The following FSTL4 variants were observed in gnomAD, a reference collection of about 807,000 sequenced individuals.
The protein encoded by FSTL4 is follistatin like 4.
In FSTL4, 28 loss-of-function variants were observed where a neutral mutation model predicts 78.2. The ratio of observed to expected loss-of-function variants is 0.36; its 90% CI spans 0.27 to 0.49. The LOEUF (loss-of-function observed/expected upper bound fraction) is 0.49. FSTL4 is among the 20% of genes least tolerant of loss of function. FSTL4 has a pLI of 0.98. For synonymous variants in FSTL4, 422 were observed against 440.5 expected, an observed-to-expected ratio of 0.96 and a Z score of 0.53; for missense variants, 922 against 1,084.9, an observed-to-expected ratio of 0.85 and a Z score of 2.11.
intron 3 of FSTL4, among the ~76,000 whole-genome samples, chr5:133,557,732 G>A (rs1005114641): frequency 2.0e-5 from 3 of 152,122 alleles, no homozygotes; most frequent in African/African-American, 7.2e-5. Context: ...GAGAAGCCAG[G>A]TCCTTACACT....
At chr5:133,423,047 C>T (rs1252541037) in intron 3 of FSTL4, among the ~76,000 whole-genome samples, 1 of 152,194 alleles carries the variant, frequency 6.6e-6, no homozygotes, top group Non-Finnish European at 1.5e-5. Context: ...CTCTGAACGG[C>T]CGAGCTCTAG....
the FSTL4 span, among the ~76,000 whole-genome samples, chr5:133,841,300 G>A: frequency 3.9e-5 from 6 of 152,178 alleles, no homozygotes; most frequent in African/African-American, 1.4e-4. Flanking sequence ...TCCCAAAGGG[G>A]AAGAACTTGT....
At chr5:133,623,473 C>T in the FSTL4 span, among the ~76,000 whole-genome samples, 1 of 151,902 alleles carries the variant, frequency 6.6e-6, no homozygotes, top group South Asian at 2.1e-4. Flanking sequence ...TAGACCCCTA[C>T]CTCACACCAA....
intron 3 of FSTL4, among the ~76,000 whole-genome samples, chr5:133,481,167 C>G (rs2112858252): frequency 6.6e-6 from 1 of 152,312 alleles, no homozygotes; most frequent in Middle Eastern, 3.4e-3. Flanking sequence ...GCATGTTGCT[C>G]TCTGGCCTTG....
At chr5:133,229,883 G>A (rs1445045691) in intron 8 of FSTL4, among the ~76,000 whole-genome samples, 1 of 152,208 alleles carries the variant, frequency 6.6e-6, no homozygotes, top group African/African-American at 2.4e-5. Context: ...CTTTCTGTCT[G>A]GGGGAAGTGA....
chr5:133,533,525 C>T (rs1214013145), intron 3 of FSTL4, among the ~76,000 whole-genome samples: 1 of 152,164 alleles, frequency 6.6e-6, no homozygotes. Flanking sequence ...GGATTACAGG[C>T]GTGAGCCACC....
chr5:133,466,907 TGTAA>T (rs1275807595), intron 3 of FSTL4, among the ~76,000 whole-genome samples: 3 of 151,638 alleles, frequency 2.0e-5, no homozygotes, highest in African/African-American at 4.9e-5. Context: ...TGTGTGTGTG[TGTAA>T]GTGTGAGAGT....
intron 14 of FSTL4, chr5:133,202,834 CCCCT>C (rs1235595528): frequency 6.6e-6 from 1 of 152,358 alleles, no homozygotes; most frequent in Non-Finnish European, 1.5e-5. Flanking sequence ...AACGCTTTCT[CCCCT>C]GTGGACTTGG....
intron 4 of FSTL4, among the ~76,000 whole-genome samples, chr5:133,387,052 A>T (rs1289733159): frequency 6.6e-6 from 1 of 152,160 alleles, no homozygotes; most frequent in East Asian, 1.9e-4. Flanking sequence ...GCAAGTGCCA[A>T]GTCTGGTGGA....
chr5:133,607,339 A>G (rs919187945), intron 1 of FSTL4, among the ~76,000 whole-genome samples: 9 of 152,236 alleles, frequency 5.9e-5, no homozygotes, highest in African/African-American at 2.2e-4. Flanking sequence ...TATCTGTCTA[A>G]TAATCAAATA....
the FSTL4 span, among the ~76,000 whole-genome samples, chr5:133,789,373 T>C: frequency 3.3e-5 from 5 of 152,234 alleles, no homozygotes; most frequent in African/African-American, 4.8e-5. Context: ...TTAGGTTTTA[T>C]AAAGAATGAA....
intron 2 of FSTL4, among the ~76,000 whole-genome samples, chr5:133,580,069 G>A (rs1760368366): frequency 6.6e-6 from 1 of 152,186 alleles, no homozygotes; most frequent in Non-Finnish European, 1.5e-5. Flanking sequence ...AGGGACACTT[G>A]AAGATCCCTT....
At chr5:133,268,746 G>A (rs957148784) in intron 6 of FSTL4, among the ~76,000 whole-genome samples, 1 of 152,302 alleles carries the variant, frequency 6.6e-6, no homozygotes, top group African/African-American at 2.4e-5. Flanking sequence ...GAAGGTATCC[G>A]ATGGTATACT....
chr5:133,393,167 G>A (rs1381156513), intron 4 of FSTL4, among the ~76,000 whole-genome samples: 1 of 149,810 alleles, frequency 6.7e-6, no homozygotes, highest in Non-Finnish European at 1.5e-5. Flanking sequence ...TGAAGTCCTA[G>A]TTGTTTTCAC....
intron 3 of FSTL4, among the ~76,000 whole-genome samples, chr5:133,459,046 C>T (rs1037630147): frequency 6.6e-6 from 1 of 152,040 alleles, no homozygotes; most frequent in African/African-American, 2.4e-5. Context: ...GGTGTCACTG[C>T]CCCCACCTCC....
intron 2 of FSTL4, among the ~76,000 whole-genome samples, chr5:133,602,505 T>C (rs1760891190): frequency 6.6e-6 from 1 of 152,242 alleles, no homozygotes; most frequent in African/African-American, 2.4e-5. Context: ...AGACTAAGCT[T>C]ACCTGTGTGT....
At chr5:133,472,330 A>G (rs1757841422) in intron 3 of FSTL4, among the ~76,000 whole-genome samples, 1 of 152,248 alleles carries the variant, frequency 6.6e-6, no homozygotes, top group Non-Finnish European at 1.5e-5. Context: ...AGGAAATAAC[A>G]TAAGGGTGTA....
chr5:133,275,386 C>T (rs1752857728), intron 6 of FSTL4, among the ~76,000 whole-genome samples: 1 of 152,018 alleles, frequency 6.6e-6, no homozygotes, highest in Non-Finnish European at 1.5e-5. Context: ...ATGGTGAAAC[C>T]CTGTCTGTAT....
At chr5:133,650,862 T>C in the FSTL4 span, among the ~76,000 whole-genome samples, 1 of 152,226 alleles carries the variant, frequency 6.6e-6, no homozygotes, top group African/African-American at 2.4e-5. Context: ...TTGACTATGT[T>C]GAGTCTTTCT....
Sources: gnomAD v4.1 joint callset for allele counts (sites outside exome capture counted in the v4.1 genomes callset) on GRCh38, gnomAD v4.1.1 for gene constraint, MANE v1.5 for transcripts, NCBI Gene and HGNC (gene_info 2026-07-23, HGNC 2026-07-21) for gene names.